Variants in NRXN1 observed in about 807,000 individuals in gnomAD.
NRXN1 encodes the protein neurexin 1.
In NRXN1, 39 loss-of-function variants were observed where a neutral mutation model predicts 150.9. That is an observed-to-expected ratio of 0.26 (90% CI 0.20 to 0.34). NRXN1 has a LOEUF of 0.34. NRXN1 is among the 10% of genes least tolerant of loss of function. NRXN1 has a pLI of 1.00. For missense variants in NRXN1, 1,815 were observed against 1,949.9 expected, an observed-to-expected ratio of 0.93 and a Z score of 1.30; for synonymous variants, 924 against 757.0, an observed-to-expected ratio of 1.22 and a Z score of -3.62.
intron 5 of NRXN1, among the ~76,000 whole-genome samples, chr2:50,802,400 G>A (rs374184700): frequency 7.9e-5 from 12 of 152,148 alleles, no homozygotes; most frequent in African/African-American, 2.2e-4. Context: ...GCTGAGGCAG[G>A]AGAATCACTT....
chr2:50,839,387 T>C (rs1413645215), intron 5 of NRXN1, among the ~76,000 whole-genome samples: 1 of 152,132 alleles, frequency 6.6e-6, no homozygotes, highest in Non-Finnish European at 1.5e-5. Flanking sequence ...TAAAATACCA[T>C]CAGTTATTTT....
intron 5 of NRXN1, among the ~76,000 whole-genome samples, chr2:50,849,677 C>A (rs1204049106): frequency 6.6e-6 from 1 of 152,168 alleles, no homozygotes; most frequent in Non-Finnish European, 1.5e-5. Context: ...TCCTTACCCG[C>A]TTGTCCAGGA....
At chr2:50,825,632 GTAA>G (rs1460026878) in intron 5 of NRXN1, among the ~76,000 whole-genome samples, 3 of 152,144 alleles carry the variant, frequency 2.0e-5, no homozygotes, top group African/African-American at 7.2e-5. Context: ...TGTATCCTTT[GTAA>G]TATTCTTTAT....
chr2:50,372,143 A>G lies in NRXN1; in HGVS notation c.3364+93299T>C, dbSNP rs567365533. ...AAGAGCCAAGATCCCTCAGTATTCT[A>G]GTCACCACTCTAGACTCAAACTTAG... On this transcript the variant is annotated intron_variant, in intron 17 of 22. Transcript: ENST00000401669. Among the ~76,000 whole-genome samples the G allele has an allele frequency of 2.0e-5, 3 of 152,214 alleles. No individual in the cohort carries two copies. In the East Asian group the frequency reaches 5.8e-4, roughly 29 times the overall value.
At chr2:50,910,753 G>A (rs999133330) in intron 5 of NRXN1, among the ~76,000 whole-genome samples, 1 of 151,856 alleles carries the variant, frequency 6.6e-6, no homozygotes, top group Non-Finnish European at 1.5e-5. Flanking sequence ...CCTAGTTTGG[G>A]GTAGGAGTGC....
intron 5 of NRXN1, among the ~76,000 whole-genome samples, chr2:50,897,365 G>T (rs1049188682): frequency 1.3e-5 from 2 of 152,164 alleles, no homozygotes; most frequent in African/African-American, 2.4e-5. Flanking sequence ...ATGAGTATCA[G>T]TGATACCAGG....
chr2:50,677,686 T>C (rs1689753348), intron 5 of NRXN1, among the ~76,000 whole-genome samples: 1 of 152,146 alleles, frequency 6.6e-6, no homozygotes, highest in Non-Finnish European at 1.5e-5. Flanking sequence ...TTGTTTTGTG[T>C]TAAACCCTAG....
intron 17 of NRXN1, among the ~76,000 whole-genome samples, chr2:50,247,342 T>C (rs2066597981): frequency 6.6e-6 from 1 of 152,050 alleles, no homozygotes; most frequent in Non-Finnish European, 1.5e-5. Flanking sequence ...TCTGCATATT[T>C]TACAGGGAAA....
At chr2:50,673,769 G>T (rs937005694) in intron 5 of NRXN1, among the ~76,000 whole-genome samples, 1 of 152,008 alleles carries the variant, frequency 6.6e-6, no homozygotes. Context: ...ATTTATCAGG[G>T]TCTATTTTAC....
At chr2:50,435,635 T>C (rs970006276) in intron 17 of NRXN1, among the ~76,000 whole-genome samples, 4 of 152,284 alleles carry the variant, frequency 2.6e-5, no homozygotes, top group Non-Finnish European at 4.4e-5. Flanking sequence ...GGTAGAACAA[T>C]TTAGATTCCC....
chr2:50,559,435 G>A (rs1336001990), intron 8 of NRXN1, among the ~76,000 whole-genome samples: 1 of 152,156 alleles, frequency 6.6e-6, no homozygotes, highest in Non-Finnish European at 1.5e-5. Context: ...TTAGACACGT[G>A]CTATGGTAGG....
At chr2:49,970,430 T>C (rs1418853658) in intron 21 of NRXN1, 1 of 152,102 alleles carries the variant, frequency 6.6e-6, no homozygotes, top group Non-Finnish European at 1.5e-5. Context: ...GTTACTCAGT[T>C]TGAACTCATA....
intron 17 of NRXN1, among the ~76,000 whole-genome samples, chr2:50,325,369 T>A (rs1221470183): frequency 6.6e-6 from 1 of 152,196 alleles, no homozygotes; most frequent in East Asian, 1.9e-4. Flanking sequence ...GAGAAGTTTG[T>A]CATGCCCCCC....
chr2:50,078,078 G>C (rs897391395), intron 19 of NRXN1, among the ~76,000 whole-genome samples: 31 of 151,876 alleles, frequency 2.0e-4, no homozygotes, highest in African/African-American at 7.3e-4. Context: ...CTATTTAAAG[G>C]CTTCATACTT....
intron 5 of NRXN1, among the ~76,000 whole-genome samples, chr2:50,748,621 T>C (rs778463426): frequency 2.6e-5 from 4 of 152,042 alleles, no homozygotes; most frequent in Non-Finnish European, 5.9e-5. Flanking sequence ...CTTCCTTGGT[T>C]GGGACACATT....
At chr2:50,484,412 T>C (rs1462190652) in intron 15 of NRXN1, among the ~76,000 whole-genome samples, 1 of 152,198 alleles carries the variant, frequency 6.6e-6, no homozygotes, top group Non-Finnish European at 1.5e-5. Context: ...TAAGCTATTC[T>C]TAAGGAGAAA....
At chr2:50,753,931 CA>C (rs1338823981) in intron 5 of NRXN1, among the ~76,000 whole-genome samples, 2 of 131,606 alleles carry the variant, frequency 1.5e-5, no homozygotes, top group Non-Finnish European at 3.1e-5. Context: ...CAATTTTCTA[CA>C]TTTCAATAAA....
At chr2:50,123,395 G>T (rs188633271) in intron 18 of NRXN1, among the ~76,000 whole-genome samples, 1 of 152,262 alleles carries the variant, frequency 6.6e-6, no homozygotes, top group Admixed American at 6.5e-5. Context: ...GGAGGTGAAA[G>T]CAAACATGGT....
intron 5 of NRXN1, among the ~76,000 whole-genome samples, chr2:50,895,998 T>G (rs1035626137): frequency 6.6e-6 from 1 of 152,082 alleles, no homozygotes; most frequent in East Asian, 1.9e-4. Context: ...GACCAAATTA[T>G]CTCGAAATTC....
Sources: allele counts gnomAD v4.1 joint callset (sites outside exome capture counted in the v4.1 genomes callset), GRCh38; gene constraint gnomAD v4.1.1; transcripts MANE v1.5; gene names NCBI Gene and HGNC (gene_info 2026-07-23, HGNC 2026-07-21).